Variants in FCGR1A observed in about 807,000 individuals in gnomAD.
FCGR1A encodes Fc gamma receptor Ia.
Under a neutral mutation model 35.0 loss-of-function variants are expected in FCGR1A, and 13 were observed. The observed-to-expected ratio is 0.37, with a 90% CI of 0.24 to 0.59. The LOEUF (loss-of-function observed/expected upper bound fraction) is 0.59. Ranked by LOEUF, FCGR1A falls within the 20% of genes least tolerant of loss-of-function variation. The probability of loss-of-function intolerance (pLI) is 0.71; values close to 1 mark genes in which losing one functional copy is unlikely to be tolerated. For missense variants in FCGR1A, 227 were observed against 430.0 expected (o/e 0.53, Z 4.17); for synonymous variants, 91 against 164.7 (o/e 0.55, Z 3.43).
downstream of FCGR1A, among the ~76,000 whole-genome samples, chr1:149,793,736 C>T (rs1553752494): frequency 2.2e-5 from 3 of 136,176 alleles, no homozygotes; most frequent in South Asian, 6.4e-4. Flanking sequence ...CGTTCTTCAC[C>T]TTCCAGGCTG....
chr1:149,793,119 A>C (rs1478004682), downstream of FCGR1A: 46 of 1,273,944 alleles, frequency 3.6e-5, no homozygotes, highest in African/African-American at 5.5e-4. Flanking sequence ...TGCCGGCCTC[A>C]GGTGCGCCCG....
In FCGR1A at chr1:149,788,603, C is replaced by T. The variant is rs199556704; in HGVS notation, c.545C>T (p.Ser182Phe). 1 of 1,614,016 alleles carries T rather than the reference C, an allele frequency of 6.2e-7. No homozygotes were observed. The highest frequency in any genetic ancestry group is 2.2e-5 in the East Asian group (1 of 44,888). ...GKHRYTSAGI[S>F]VTVKELFPAP... Reference sequence around the variant, plus strand: ...CATCGCTACACATCAGCAGGAATATCTGTCACTGTGAAAGGTATTGTATTG... The same window carrying T: ...CATCGCTACACATCAGCAGGAATATTTGTCACTGTGAAAGGTATTGTATTG... Residue 182 changes from serine (S) to phenylalanine (F), a missense_variant, in exon 4 of 6, where the codon TCT (serine) becomes TTT (phenylalanine). Coordinates refer to ENST00000369168, the MANE Select transcript of FCGR1A (RefSeq NM_000566.4).
chr1:149,793,130 G>T, downstream of FCGR1A: 1 of 1,274,732 alleles, frequency 7.8e-7, no homozygotes, highest in Non-Finnish European at 1.0e-6. Flanking sequence ...GGTGCGCCCG[G>T]CCGAGCCTCC....
chr1:149,788,925 C>G (rs1251998072), intron 4 of FCGR1A, among the ~76,000 whole-genome samples: 5 of 151,954 alleles, frequency 3.3e-5, no homozygotes, highest in African/African-American at 9.7e-5. Context: ...CAGACTCACT[C>G]TAGGTAGATA....
chr1:149,800,277 C>T, the FCGR1A span, among the ~76,000 whole-genome samples: 4 of 152,236 alleles, frequency 2.6e-5, no homozygotes, highest in Non-Finnish European at 5.9e-5. Flanking sequence ...GTTCAGCTAT[C>T]CAGAAGCTCT....
At chr1:149,789,601 G>A (rs2091649693) in intron 4 of FCGR1A, among the ~76,000 whole-genome samples, 1 of 152,132 alleles carries the variant, frequency 6.6e-6, no homozygotes, top group South Asian at 2.1e-4. Context: ...GGGCTGCACA[G>A]CAGGAGGTGA....
chr1:149,789,411 T>C (rs1258516457), intron 4 of FCGR1A, among the ~76,000 whole-genome samples: 1 of 149,814 alleles, frequency 6.7e-6, no homozygotes, highest in East Asian at 1.9e-4. Context: ...ATAATAATAA[T>C]AATAATAATG....
chr1:149,799,532 T>C, the FCGR1A span, among the ~76,000 whole-genome samples: 1 of 152,104 alleles, frequency 6.6e-6, no homozygotes, highest in Non-Finnish European at 1.5e-5. Context: ...TACTACACAA[T>C]AGTAGGTTGT....
the FCGR1A span, among the ~76,000 whole-genome samples, chr1:149,800,101 G>C: frequency 6.6e-6 from 1 of 151,916 alleles, no homozygotes; most frequent in Non-Finnish European, 1.5e-5. Flanking sequence ...CCTTTGCATT[G>C]TATTAATTTG....
chr1:149,785,902 G>T (rs1313882095), intron 3 of FCGR1A: 2 of 151,992 alleles, frequency 1.3e-5, no homozygotes, highest in African/African-American at 4.8e-5. Flanking sequence ...TATGGGACAG[G>T]ATGTACTCTT....
chr1:149,784,909 T>A (rs1295323027), intron 3 of FCGR1A, among the ~76,000 whole-genome samples: 1 of 151,924 alleles, frequency 6.6e-6, no homozygotes, highest in Non-Finnish European at 1.5e-5. Flanking sequence ...ATTTATAAGA[T>A]GTTTCCACTC....
At chr1:149,796,142 T>G (rs1419689607), downstream of FCGR1A, among the ~76,000 whole-genome samples, 1 of 149,806 alleles carries the variant, frequency 6.7e-6, no homozygotes, top group Non-Finnish European at 1.5e-5. Context: ...GGGTCAAAAC[T>G]TCCATGAGGG....
At chr1:149,797,472 G>A in the FCGR1A span, among the ~76,000 whole-genome samples, 15 of 151,912 alleles carry the variant, frequency 9.9e-5, no homozygotes, top group Admixed American at 2.6e-4. Context: ...TTTCTTTTCA[G>A]GGAACACGGT....
chr1:149,785,460 A>G (rs1451550121), intron 3 of FCGR1A, among the ~76,000 whole-genome samples: 2 of 115,872 alleles, frequency 1.7e-5, no homozygotes, highest in Non-Finnish European at 3.3e-5. Flanking sequence ...TCCGTTGCCC[A>G]GGCTGGAATG....
At chr1:149,793,330 C>G, downstream of FCGR1A, 1 of 1,147,536 alleles carries the variant, frequency 8.7e-7, no homozygotes, top group Non-Finnish European at 1.1e-6. Context: ...GTTCCCTCAC[C>G]GTCAAAAGCA....
downstream of FCGR1A, chr1:149,792,322 T>C (rs1243564560): frequency 1.5e-4 from 47 of 304,160 alleles, 1 homozygote; most frequent in South Asian, 1.7e-3. Context: ...GTCCAGATCT[T>C]GCCTCCAGAG....
downstream of FCGR1A, chr1:149,794,183 G>C: frequency 8.6e-6 from 3 of 350,786 alleles, no homozygotes; most frequent in Non-Finnish European, 1.7e-5. Context: ...TGGAGCTATT[G>C]AGAGTGGTCA....
At chr1:149,793,841 G>A, downstream of FCGR1A, 1 of 1,243,902 alleles carries the variant, frequency 8.0e-7, no homozygotes, top group Non-Finnish European at 1.0e-6. Context: ...AGCCTGAGAA[G>A]TAATCCCCAA....
At chr1:149,785,027 A>T (rs2091504386) in intron 3 of FCGR1A, among the ~76,000 whole-genome samples, 1 of 152,242 alleles carries the variant, frequency 6.6e-6, no homozygotes, top group Non-Finnish European at 1.5e-5. Flanking sequence ...AATTATTGTC[A>T]TATTTTAATA....
Sources: gnomAD v4.1 joint callset for allele counts (sites outside exome capture counted in the v4.1 genomes callset) on GRCh38, gnomAD v4.1.1 for gene constraint, MANE v1.5 for transcripts, NCBI Gene and HGNC (gene_info 2026-07-23, HGNC 2026-07-21) for gene names.